Variants in ADCY8 observed in about 807,000 individuals in gnomAD.
ADCY8 encodes the protein adenylate cyclase type 8.
Under a neutral mutation model 119.7 loss-of-function variants are expected in ADCY8, and 51 were observed. The observed-to-expected ratio is 0.43, with a 90% CI of 0.34 to 0.54. ADCY8 has a LOEUF of 0.54. ADCY8 is among the 20% of genes least tolerant of loss of function. The probability of loss-of-function intolerance (pLI) is 0.03; values close to 1 mark genes in which losing one functional copy is unlikely to be tolerated. For missense variants in ADCY8, 1,383 were observed against 1,598.8 expected (o/e 0.87, Z 2.30); for synonymous variants, 665 against 651.0 (o/e 1.02, Z -0.33).
At chr8:130,924,088 A>G (rs1820391867) in intron 5 of ADCY8, among the ~76,000 whole-genome samples, 1 of 152,218 alleles carries the variant, frequency 6.6e-6, no homozygotes, top group African/African-American at 2.4e-5. Context: ...TGGAGTTGGG[A>G]GGTGGGCTAC....
intron 1 of ADCY8, among the ~76,000 whole-genome samples, chr8:131,027,907 T>C (rs1040213280): frequency 2.0e-5 from 3 of 152,254 alleles, no homozygotes; most frequent in Admixed American, 1.3e-4. Flanking sequence ...AAGAAGAGTA[T>C]GTAACCAGCA....
At chr8:130,888,309 G>A (rs1425412901) in intron 7 of ADCY8, among the ~76,000 whole-genome samples, 1 of 151,856 alleles carries the variant, frequency 6.6e-6, no homozygotes, top group Non-Finnish European at 1.5e-5. Flanking sequence ...TGTATACTTA[G>A]CTGGTGTTTT....
At chr8:131,029,878 G>A (rs1823944068) in intron 1 of ADCY8, among the ~76,000 whole-genome samples, 1 of 151,278 alleles carries the variant, frequency 6.6e-6, no homozygotes, top group Admixed American at 6.6e-5. Flanking sequence ...AGTAGGGGGT[G>A]GCTAGGGGAA....
intron 2 of ADCY8, among the ~76,000 whole-genome samples, chr8:130,974,129 T>C (rs990051241): frequency 6.6e-6 from 1 of 152,214 alleles, no homozygotes; most frequent in African/African-American, 2.4e-5. Context: ...CACCCTTCGT[T>C]TGTGTGGCCC....
intron 1 of ADCY8, among the ~76,000 whole-genome samples, chr8:130,997,649 A>C (rs1822821047): frequency 6.6e-6 from 1 of 152,236 alleles, no homozygotes; most frequent in Non-Finnish European, 1.5e-5. Context: ...TTTAAAAATA[A>C]GTGTTTGGGT....
intron 2 of ADCY8, among the ~76,000 whole-genome samples, chr8:130,971,187 T>A (rs1163671904): frequency 6.6e-6 from 1 of 152,236 alleles, no homozygotes; most frequent in Admixed American, 6.5e-5. Context: ...GTCATTGTCA[T>A]GTTAATTATT....
At chr8:130,868,038 AT>A (rs984298890) in intron 8 of ADCY8, 92 bp from the exon 9 acceptor site, 15 of 779,124 alleles carry the variant, frequency 1.9e-5, no homozygotes, top group Admixed American at 5.5e-5. Flanking sequence ...AGGCAATTAG[AT>A]TTTTTTTAAA....
intron 2 of ADCY8, among the ~76,000 whole-genome samples, chr8:130,987,514 A>C (rs1466788647): frequency 6.6e-6 from 1 of 152,200 alleles, no homozygotes; most frequent in Non-Finnish European, 1.5e-5. Flanking sequence ...GATAAAAATC[A>C]TGAGTGCTTG....
chr8:131,006,355 T>G (rs1259982825), intron 1 of ADCY8, among the ~76,000 whole-genome samples: 1 of 152,136 alleles, frequency 6.6e-6, no homozygotes, highest in Non-Finnish European at 1.5e-5. Flanking sequence ...GCTGGGAGAT[T>G]CAGCAGGAGA....
rs2130530739 is a variant in ADCY8, at chr8:130,903,883, A to G, written c.1800T>C (p.Asp600=). 2 of 1,614,104 alleles carry G rather than the reference A, an allele frequency of 1.2e-6. No individual in the cohort carries two copies. Among genetic ancestry groups the G allele is most frequent in the Non-Finnish European group, 1.7e-6 (2 of 1,180,022 alleles). The change falls in exon 7 of 18, where the codon GAT becomes GAC. Residue 600 remains aspartate, a synonymous_variant. Coordinates refer to ENST00000286355, the MANE Select transcript of ADCY8 (RefSeq NM_001115.3). ...AGGAGCTCACTGACTCCTTGACGATATCTTCAGGCAAGGACAGCAGACTGT... is the reference window on the plus strand; with the variant it reads ...AGGAGCTCACTGACTCCTTGACGATGTCTTCAGGCAAGGACAGCAGACTGT... ...PEDSLLSLPE[D]IVKESVSSSD...
chr8:130,798,865 T>A (rs1321504187), intron 15 of ADCY8, among the ~76,000 whole-genome samples: 1 of 151,714 alleles, frequency 6.6e-6, no homozygotes, highest in African/African-American at 2.4e-5. Flanking sequence ...CATTGAGAAA[T>A]GAATGGAAAC....
intron 14 of ADCY8, among the ~76,000 whole-genome samples, chr8:130,808,490 A>G (rs963167481): frequency 1.3e-5 from 2 of 152,252 alleles, no homozygotes; most frequent in African/African-American, 4.8e-5. Flanking sequence ...ATGAAGATGC[A>G]GAGTATGGTT....
At chr8:130,974,247 G>A (rs180894712) in intron 2 of ADCY8, among the ~76,000 whole-genome samples, 8 of 152,246 alleles carry the variant, frequency 5.3e-5, no homozygotes, top group Admixed American at 1.3e-4. Context: ...CCCTGTGCCC[G>A]GGATGCTTTC....
intron 9 of ADCY8, among the ~76,000 whole-genome samples, chr8:130,852,765 G>A (rs1192829306): frequency 1.3e-5 from 2 of 151,808 alleles, no homozygotes; most frequent in Non-Finnish European, 2.9e-5. Context: ...TGCACCCCAT[G>A]GTCTGGACAA....
chr8:130,844,642 G>A (rs1817243794), intron 11 of ADCY8, among the ~76,000 whole-genome samples: 1 of 152,136 alleles, frequency 6.6e-6, no homozygotes, highest in Non-Finnish European at 1.5e-5. Flanking sequence ...GTTTGGCAAT[G>A]CCTAGTCAGT....
intron 11 of ADCY8, among the ~76,000 whole-genome samples, 158 bp downstream of exon 11, chr8:130,847,262 GCAGA>G (rs995742021): frequency 6.6e-6 from 1 of 151,878 alleles, no homozygotes; most frequent in African/African-American, 2.4e-5. Context: ...AGAAGGAAAG[GCAGA>G]AAAGGGAAAG....
intron 7 of ADCY8, among the ~76,000 whole-genome samples, chr8:130,888,759 C>T (rs1040050199): frequency 6.6e-6 from 1 of 152,100 alleles, no homozygotes; most frequent in Non-Finnish European, 1.5e-5. Flanking sequence ...TCCTCTTAAG[C>T]TCATCATTTG....
At chr8:131,002,633 G>A (rs895054394) in intron 1 of ADCY8, among the ~76,000 whole-genome samples, 1 of 151,352 alleles carries the variant, frequency 6.6e-6, no homozygotes, top group East Asian at 1.9e-4. Flanking sequence ...TAGCAATAAA[G>A]TAGTAAACTT....
In ADCY8 at chr8:130,814,341, C is replaced by G. The variant is rs1816271017; in HGVS notation, c.2755-114G>C. 8.9e-6 allele frequency: 10 copies of G among 1,120,216 alleles called. No homozygotes were observed. The South Asian group carries it at 1.6e-4, about 18-fold the overall frequency. The allele number at this position is 1,120,216 out of a possible 1,614,324, so 69.4% of individuals were successfully genotyped here. A position where few individuals can be genotyped will look rare whatever the true frequency, so the allele number is the denominator to read the frequency against. On this transcript the variant is annotated intron_variant, in intron 13 of 17. Coordinates refer to ENST00000286355, the MANE Select transcript of ADCY8 (RefSeq NM_001115.3). ...TCTCTGGAACTCTTCACAAATGAAA[C>G]AGAGCCTGATCTGAATATTTTGGGA...
Sources: gnomAD v4.1 joint callset for allele counts (sites outside exome capture counted in the v4.1 genomes callset) on GRCh38, gnomAD v4.1.1 for gene constraint, MANE v1.5 for transcripts, NCBI Gene and HGNC (gene_info 2026-07-23, HGNC 2026-07-21) for gene names.